The following ROBO2 variants were observed in gnomAD, a reference collection of about 807,000 sequenced individuals.
The protein encoded by ROBO2 is roundabout homolog 2.
ROBO2 carries 53 observed loss-of-function variants against 160.8 expected under a neutral mutation model. The observed-to-expected ratio is 0.33, with a 90% confidence interval of 0.26 to 0.41. The LOEUF (loss-of-function observed/expected upper bound fraction) is 0.41, where lower values mean the gene tolerates loss of function less well. Among genes scored for constraint, ROBO2 ranks in the 10% least tolerant of loss-of-function variants. The probability of loss-of-function intolerance (pLI) is 1.00; values close to 1 mark genes in which losing one functional copy is unlikely to be tolerated. For synonymous variants in ROBO2, 664 were observed against 611.7 expected (o/e 1.09, Z -1.26); for missense variants, 1,577 against 1,722.4 (o/e 0.92, Z 1.49).
At chr3:76,795,650 C>T (rs1317520420) in intron 2 of ROBO2, among the ~76,000 whole-genome samples, 2 of 152,074 alleles carry the variant, frequency 1.3e-5, no homozygotes, top group African/African-American at 2.4e-5. Context: ...TTACTTCCTC[C>T]ACTTCAGTCT....
At chr3:76,557,661 A>G (rs2083883501) in intron 2 of ROBO2, among the ~76,000 whole-genome samples, 3 of 142,208 alleles carry the variant, frequency 2.1e-5, no homozygotes, top group African/African-American at 5.3e-5. Context: ...TTCTAAACAG[A>G]TATGTTCCAT....
At chr3:76,768,773 T>C (rs2061713508) in intron 2 of ROBO2, among the ~76,000 whole-genome samples, 1 of 151,286 alleles carries the variant, frequency 6.6e-6, no homozygotes, top group African/African-American at 2.4e-5. Flanking sequence ...CATTGCCATT[T>C]TGAAAAAGGA....
At chr3:75,983,883 A>G (rs2065343626) in intron 2 of ROBO2, among the ~76,000 whole-genome samples, 1 of 151,506 alleles carries the variant, frequency 6.6e-6, no homozygotes, top group African/African-American at 2.4e-5. Flanking sequence ...ACTTATTAAT[A>G]ACTAGTTTCG....
intron 2 of ROBO2, among the ~76,000 whole-genome samples, chr3:76,174,386 T>G (rs1057237991): frequency 6.6e-6 from 1 of 152,176 alleles, no homozygotes; most frequent in Non-Finnish European, 1.5e-5. Context: ...CATTTGTCAA[T>G]TTTGTCTTTT....
chr3:76,150,936 A>G (rs1325817386), intron 2 of ROBO2, among the ~76,000 whole-genome samples: 1 of 152,182 alleles, frequency 6.6e-6, no homozygotes, highest in African/African-American at 2.4e-5. Flanking sequence ...ACCATAGAAT[A>G]GAAACCTGCT....
intron 1 of ROBO2, among the ~76,000 whole-genome samples, chr3:77,064,663 A>G (rs1019361049): frequency 4.6e-5 from 7 of 152,194 alleles, no homozygotes; most frequent in East Asian, 1.9e-4. Context: ...CCCAGCCTAT[A>G]AAAACATATT....
At chr3:76,407,570 C>T (rs563777552) in intron 2 of ROBO2, among the ~76,000 whole-genome samples, 8 of 151,898 alleles carry the variant, frequency 5.3e-5, no homozygotes, top group East Asian at 1.9e-4. Flanking sequence ...TTACTGCACA[C>T]GTTTCTGATG....
At chr3:76,762,131 T>A (rs566005053) in intron 2 of ROBO2, among the ~76,000 whole-genome samples, 49 of 151,712 alleles carry the variant, frequency 3.2e-4, no homozygotes, top group African/African-American at 1.1e-3. Flanking sequence ...TTCAGGCATT[T>A]AAAAATATGG....
intron 2 of ROBO2, among the ~76,000 whole-genome samples, chr3:77,444,771 G>A (rs914227358): frequency 6.6e-6 from 1 of 152,080 alleles, no homozygotes; most frequent in Admixed American, 6.6e-5. Context: ...TGGGAGTTTG[G>A]AAAGACCTTT....
chr3:76,160,711 A>G (rs1003452933), intron 2 of ROBO2, among the ~76,000 whole-genome samples: 1 of 152,130 alleles, frequency 6.6e-6, no homozygotes, highest in Admixed American at 6.6e-5. Context: ...AGCAGAATTC[A>G]TGTTGCTATG....
chr3:76,806,323 C>T (rs919109602), intron 2 of ROBO2, among the ~76,000 whole-genome samples: 4 of 150,540 alleles, frequency 2.7e-5, no homozygotes, highest in Non-Finnish European at 5.9e-5. Flanking sequence ...TCTTGCACAC[C>T]CAGGGGAACA....
chr3:76,079,256 C>A (rs935342809), intron 2 of ROBO2, among the ~76,000 whole-genome samples: 18 of 152,090 alleles, frequency 1.2e-4, no homozygotes, highest in Admixed American at 8.5e-4. Flanking sequence ...CCATAGGTAA[C>A]AATCATTTAT....
intron 2 of ROBO2, among the ~76,000 whole-genome samples, chr3:76,777,030 G>T (rs146492815): frequency 0.01 from 1,561 of 151,012 alleles, 15 homozygotes; most frequent in Non-Finnish European, 0.016. Flanking sequence ...CATTCCTTTG[G>T]TTCTGCAATA....
chr3:76,165,053 C>T (rs2072775338), intron 2 of ROBO2, among the ~76,000 whole-genome samples: 1 of 59,368 alleles, frequency 1.7e-5, no homozygotes, highest in Non-Finnish European at 3.4e-5. Context: ...AACATACAGT[C>T]TACATATTTT....
chr3:76,169,366 A>G (rs1421144987), intron 2 of ROBO2, among the ~76,000 whole-genome samples: 1 of 152,192 alleles, frequency 6.6e-6, no homozygotes, highest in Non-Finnish European at 1.5e-5. Flanking sequence ...ACGGAGGCAC[A>G]ACATTTTGTA....
At chr3:76,593,987 A>G (rs2086584299) in intron 2 of ROBO2, among the ~76,000 whole-genome samples, 1 of 152,026 alleles carries the variant, frequency 6.6e-6, no homozygotes, top group Non-Finnish European at 1.5e-5. Context: ...TAATATAAAT[A>G]TTGTTGTAAA....
intron 2 of ROBO2, 104 bp from the exon 3 acceptor site, chr3:77,477,310 A>C: frequency 8.2e-7 from 1 of 1,217,940 alleles, no homozygotes; most frequent in Non-Finnish European, 1.2e-6. Context: ...AATCCAGGCA[A>C]TTTTTACTAG....
intron 2 of ROBO2, among the ~76,000 whole-genome samples, chr3:77,309,920 C>G (rs1234389922): frequency 6.6e-6 from 1 of 152,170 alleles, no homozygotes; most frequent in African/African-American, 2.4e-5. Context: ...TTCCTTCATT[C>G]CTTAATGTAA....
At chr3:77,610,741 CAAAAAAA>C (rs71629658) in intron 21 of ROBO2, among the ~76,000 whole-genome samples, 19 of 19,830 alleles carry the variant, frequency 9.6e-4, no homozygotes, top group African/African-American at 2.1e-3. Context: ...GGCCAAAGAC[CAAAAAAA>C]AAAAAAAAAA....
Sources: gnomAD v4.1 joint callset for allele counts (sites outside exome capture counted in the v4.1 genomes callset) on GRCh38, gnomAD v4.1.1 for gene constraint, MANE v1.5 for transcripts, NCBI Gene and HGNC (gene_info 2026-07-23, HGNC 2026-07-21) for gene names.